SYN3: variants seen among roughly 807,000 people sequenced by gnomAD.
SYN3 encodes the protein synapsin III, also known as synapsin-3.
Under a neutral mutation model 65.8 loss-of-function variants are expected in SYN3, and 35 were observed. The observed-to-expected ratio is 0.53, with a 90% CI of 0.41 to 0.70. SYN3 has a LOEUF of 0.70. Among genes scored for constraint, SYN3 ranks in the 30% least tolerant of loss-of-function variants. The pLI is 0.00. For missense variants in SYN3, 680 were observed against 749.0 expected (o/e 0.91, Z 1.08); for synonymous variants, 270 against 292.9 (o/e 0.92, Z 0.80).
chr22:32,756,152 T>C (rs2045284649), intron 6 of SYN3, among the ~76,000 whole-genome samples: 1 of 151,876 alleles, frequency 6.6e-6, no homozygotes, highest in Non-Finnish European at 1.5e-5. Flanking sequence ...CAAACCACCA[T>C]GGCACGTGTA....
chr22:32,614,449 C>G (rs889172253), intron 6 of SYN3, among the ~76,000 whole-genome samples: 2 of 152,200 alleles, frequency 1.3e-5, no homozygotes, highest in Admixed American at 6.5e-5. Context: ...TTGATGGTCC[C>G]TTGAGGGTTA....
At chr22:32,769,989 G>A (rs1424111575) in intron 6 of SYN3, among the ~76,000 whole-genome samples, 1 of 152,106 alleles carries the variant, frequency 6.6e-6, no homozygotes, top group Non-Finnish European at 1.5e-5. Flanking sequence ...AGGCCTAATA[G>A]GCATTTCTAG....
At chr22:33,005,350 T>C (rs559438462) in intron 2 of SYN3, among the ~76,000 whole-genome samples, 2 of 152,290 alleles carry the variant, frequency 1.3e-5, no homozygotes, top group Admixed American at 6.5e-5. Context: ...AATGCTTCCA[T>C]CTCCATAGTT....
At chr22:32,684,880 A>G (rs969135375) in intron 6 of SYN3, among the ~76,000 whole-genome samples, 3 of 152,202 alleles carry the variant, frequency 2.0e-5, no homozygotes, top group Admixed American at 2.0e-4. Context: ...CTATCAGTGT[A>G]ACAGGCACAC....
At chr22:32,671,671 GCT>G (rs1199761477) in intron 6 of SYN3, among the ~76,000 whole-genome samples, 2 of 140,210 alleles carry the variant, frequency 1.4e-5, no homozygotes, top group African/African-American at 2.8e-5. Flanking sequence ...TGTCACACAC[GCT>G]CTCACACAGG....
intron 5 of SYN3, among the ~76,000 whole-genome samples, chr22:32,867,111 G>A (rs188109887): frequency 2.4e-4 from 37 of 152,240 alleles, no homozygotes; most frequent in African/African-American, 8.9e-4. Context: ...TGGCTTCAGA[G>A]CTCACACTCT....
At chr22:32,816,156 T>C (rs1010897805) in intron 6 of SYN3, among the ~76,000 whole-genome samples, 3 of 152,068 alleles carry the variant, frequency 2.0e-5, no homozygotes, top group Non-Finnish European at 4.4e-5. Flanking sequence ...GCCTTCCCAG[T>C]TGGGCGAGGT....
chr22:32,778,393 A>AT (rs2045957262), intron 6 of SYN3, among the ~76,000 whole-genome samples: 1 of 152,096 alleles, frequency 6.6e-6, no homozygotes, highest in South Asian at 2.1e-4. Context: ...AGTTCAAGCA[A>AT]TTCTCCTGCC....
chr22:32,793,952 A>G (rs532388721), intron 6 of SYN3, among the ~76,000 whole-genome samples: 4 of 152,232 alleles, frequency 2.6e-5, no homozygotes, highest in Non-Finnish European at 4.4e-5. Flanking sequence ...GTAGAAGCCA[A>G]ATGAATTCCA....
intron 6 of SYN3, among the ~76,000 whole-genome samples, chr22:32,640,190 C>G (rs2059875774): frequency 6.6e-6 from 1 of 152,088 alleles, no homozygotes; most frequent in African/African-American, 2.4e-5. Flanking sequence ...TCCTTGGTAC[C>G]CCACAAATCA....
At chr22:32,737,460 T>C (rs888314325) in intron 6 of SYN3, among the ~76,000 whole-genome samples, 1 of 151,912 alleles carries the variant, frequency 6.6e-6, no homozygotes, top group African/African-American at 2.4e-5. Flanking sequence ...ATGCTATCCC[T>C]CCCCCTCCCC....
intron 1 of SYN3, among the ~76,000 whole-genome samples, chr22:33,033,540 C>T (rs2053792999): frequency 6.6e-6 from 1 of 152,148 alleles, no homozygotes; most frequent in South Asian, 2.1e-4. Flanking sequence ...TATTTCCTGT[C>T]AGACTCCCCC....
chr22:32,616,329 C>T (rs929753405), intron 6 of SYN3, among the ~76,000 whole-genome samples: 3 of 152,138 alleles, frequency 2.0e-5, no homozygotes, highest in Non-Finnish European at 4.4e-5. Flanking sequence ...GAGGGGAAAA[C>T]GACCAGGGCC....
chr22:32,988,816 G>T (rs1001064333), intron 2 of SYN3, among the ~76,000 whole-genome samples: 1 of 152,126 alleles, frequency 6.6e-6, no homozygotes, highest in African/African-American at 2.4e-5. Context: ...AAGGGCAAAG[G>T]AAGTAGGTAC....
At chr22:32,580,365 G>A (rs5754158) in intron 7 of SYN3, among the ~76,000 whole-genome samples, 96,514 of 152,122 alleles carry the variant, frequency 0.63, 31,554 homozygotes, top group East Asian at 0.95. Flanking sequence ...GTACTATACA[G>A]CAGGACATAT....
chr22:33,007,466 T>C (rs143335847), intron 1 of SYN3, among the ~76,000 whole-genome samples: 4 of 152,202 alleles, frequency 2.6e-5, no homozygotes, highest in Non-Finnish European at 5.9e-5. Context: ...ACCAAATTTA[T>C]ATGTTGAAGA....
In SYN3 at chr22:32,859,224, C is replaced by T. The variant is rs201199240; in HGVS notation, c.711+5691G>A. 86 of 1,614,152 alleles carry T rather than the reference C, an allele frequency of 5.3e-5. No homozygotes were observed. Among genetic ancestry groups the T allele is most frequent in the East Asian group, 6.7e-5 (3 of 44,872 alleles). Reference sequence around the variant, plus strand: ...TGCCTTGCTTTGTGACTTCCAAGAACGAGTGTCTCTGGACCGACATGCTCT... The same window carrying T: ...TGCCTTGCTTTGTGACTTCCAAGAATGAGTGTCTCTGGACCGACATGCTCT... On this transcript the variant is annotated intron_variant, in intron 6 of 13. Transcript: ENST00000358763.
chr22:32,597,205 T>TC (rs2059213969), intron 6 of SYN3, among the ~76,000 whole-genome samples: 4 of 3,692 alleles, frequency 1.1e-3, no homozygotes, highest in South Asian at 0.011. Context: ...CATTATTCTC[T>TC]TTTTTTTTTT....
chr22:32,753,950 C>T (rs5998614), intron 6 of SYN3, among the ~76,000 whole-genome samples: 5 of 152,156 alleles, frequency 3.3e-5, no homozygotes, highest in East Asian at 1.9e-4. Context: ...TCTGAGAATA[C>T]GTAGGCAGCA....
Sources: allele counts gnomAD v4.1 joint callset (sites outside exome capture counted in the v4.1 genomes callset), GRCh38; gene constraint gnomAD v4.1.1; transcripts MANE v1.5; gene names NCBI Gene and HGNC (gene_info 2026-07-23, HGNC 2026-07-21).